Variants in ALDH3A1 observed in about 807,000 individuals in gnomAD.
ALDH3A1 encodes the protein aldehyde dehydrogenase, dimeric NADP-preferring.
In ALDH3A1, 46 loss-of-function variants were observed where a neutral mutation model predicts 49.9. The observed-to-expected ratio is 0.92, with a 90% CI of 0.73 to 1.18. The LOEUF (loss-of-function observed/expected upper bound fraction) is 1.18, where lower values mean the gene tolerates loss of function less well. Ranked by LOEUF, ALDH3A1 falls within the 50% of genes most tolerant of loss-of-function variation. The probability of loss-of-function intolerance (pLI) is 0.00; values close to 1 mark genes in which losing one functional copy is unlikely to be tolerated. For missense variants in ALDH3A1, 592 were observed against 611.8 expected (o/e 0.97, Z 0.34); for synonymous variants, 269 against 253.3 (o/e 1.06, Z -0.59).
intron 1 of ALDH3A1, among the ~76,000 whole-genome samples, chr17:19,746,346 T>A (rs1351322668): frequency 6.6e-6 from 1 of 151,962 alleles, no homozygotes; most frequent in Non-Finnish European, 1.5e-5. Flanking sequence ...TGGGCCGAGA[T>A]TGGGCCATTG....
Position 19,743,295 on chromosome 17 carries a change from T to A in ALDH3A1, c.331A>T (p.Ile111Phe). Residue 111 changes from isoleucine (I) to phenylalanine (F), a missense_variant, in exon 3 of 11, where the codon ATT becomes TTT. Coordinates refer to ENST00000225740, the MANE Select transcript of ALDH3A1 (RefSeq NM_000691.5). This position sits in a 1 kb window ranked among gnomAD's most constrained non-coding sequence, Gnocchi z 4.4. ...TTGAAGGGGTAGTTCCAGGTGCCAA[T>A]GACGAGGACCACGCCCAGTGGCTCC... ...HSEPLGVVLV[I>F]GTWNYPFNLT... The A allele has an allele frequency of 6.2e-7, 1 of 1,614,086 alleles. No individual in the cohort carries two copies.
chr17:19,747,464 C>T (rs189250288), intron 1 of ALDH3A1, among the ~76,000 whole-genome samples: 22 of 152,372 alleles, frequency 1.4e-4, no homozygotes, highest in Admixed American at 1.3e-3. Context: ...CAAACCAAGG[C>T]AGGCAGCCCA....
At chr17:19,747,742 T>G (rs1314071168) in intron 1 of ALDH3A1, among the ~76,000 whole-genome samples, 1 of 152,110 alleles carries the variant, frequency 6.6e-6, no homozygotes, top group African/African-American at 2.4e-5. Flanking sequence ...CCTGTGCCAG[T>G]GTTGACTTTG....
intron 6 of ALDH3A1, among the ~76,000 whole-genome samples, chr17:19,740,699 G>A (rs1464522176): frequency 6.6e-6 from 1 of 151,928 alleles, no homozygotes; most frequent in Non-Finnish European, 1.5e-5. Context: ...TGCCCAGGCT[G>A]GAGTGCAGTG....
At position 19,743,830 on chromosome 17, in the gene ALDH3A1, G is replaced by A. The variant is rs2086549605; in HGVS notation, c.163-367C>T. The A allele has an allele frequency of 2.0e-6, 2 of 977,068 alleles. No individual in the cohort carries two copies. Among genetic ancestry groups the A allele is most frequent in the Non-Finnish European group, 1.2e-6 (1 of 823,032 alleles). The allele number at this position is 977,068 out of a possible 1,614,324, so 60.5% of individuals were successfully genotyped here. Reference sequence around the variant, plus strand: ...GGAGGGGGGGATGGATCCGGGGAGGGGGGATAGATTCGGGCACTGGGAGCT... The same window carrying A: ...GGAGGGGGGGATGGATCCGGGGAGGAGGGATAGATTCGGGCACTGGGAGCT... On this transcript the variant is annotated intron_variant, in intron 2 of 10. Transcript: ENST00000225740. The surrounding 1 kb of genome is among the most constrained non-coding windows in gnomAD (Gnocchi z 4.4).
In ALDH3A1 at chr17:19,744,005, T is replaced by C. The variant is rs1300984852; in HGVS notation, c.163-542A>G. 3 of 985,202 alleles carry C rather than the reference T, an allele frequency of 3.0e-6. No individual in the cohort carries two copies. The Admixed American group carries it at 1.8e-4, about 61-fold the overall frequency. The allele number at this position is 985,202 out of a possible 1,614,324, so 61.0% of individuals were successfully genotyped here. A position where few individuals can be genotyped will look rare whatever the true frequency, so the allele number is the denominator to read the frequency against. ...CGGAAAACGCGTCTCTTTTATAAAC[T>C]TGGGCTGTGAAGAGCAACACAGAAG... On this transcript the variant is annotated intron_variant, in intron 2 of 10. Coordinates refer to ENST00000225740, the MANE Select transcript of ALDH3A1 (RefSeq NM_000691.5).
intron 2 of ALDH3A1, chr17:19,744,199 T>TTCAA: frequency 1.2e-6 from 1 of 853,476 alleles, no homozygotes; most frequent in Non-Finnish European, 1.4e-6. Flanking sequence ...AGGGCAGGAG[T>TTCAA]TCAAGACCAG....
chr17:19,742,665 G>T (rs1163465937), intron 3 of ALDH3A1, 35 bp from the exon 4 acceptor site: 1 of 1,613,496 alleles, frequency 6.2e-7, no homozygotes, highest in Non-Finnish European at 8.5e-7. Context: ...TATGCCCAGG[G>T]TACTTCACCA....
intron 9 of ALDH3A1, 108 bp downstream of exon 9, chr17:19,738,888 G>T: frequency 1.1e-6 from 1 of 938,384 alleles, no homozygotes. Flanking sequence ...AGAGGCTAAT[G>T]GGAGGCTGCC....
At position 19,740,359 on chromosome 17, in the gene ALDH3A1, C is replaced by T. The variant is rs3744692; in HGVS notation, c.926G>A (p.Gly309Glu). Residue 309 changes from glycine to glutamate, a missense_variant, in exon 7 of 11, where the codon GGG (glycine) becomes GAG (glutamate). By Grantham distance (98) the Gly-to-Glu change is moderately conservative. Coordinates refer to ENST00000225740, the MANE Select transcript of ALDH3A1 (RefSeq NM_000691.5). ...ACCTATGTAGCGAGTGGCGGCATCC[C>T]CGGTGCCCCCATAAGCCACCTTCTG... ...EGQKVAYGGTGDAATRYIAPT... is the reference protein window; with the variant it reads ...EGQKVAYGGTEDAATRYIAPT... 2,976 of 1,614,030 alleles carry T rather than the reference C, an allele frequency of 1.8e-3. 68 individuals carry two copies. In the East Asian group the frequency reaches 0.05, roughly 27 times the overall value.
rs777415702 is a variant in ALDH3A1 at position 19,745,023 on chromosome 17, A to T, written c.107T>A (p.Leu36Gln). The change falls in exon 2 of 11, where the codon CTG becomes CAG. Residue 36 changes from leucine to glutamine, a missense_variant. Coordinates refer to ENST00000225740, the MANE Select transcript of ALDH3A1 (RefSeq NM_000691.5). ...CAGCTCCTGCTCCTGCTCCTGGATC[A>T]GGCGCTGCAGCGCCTCCAGCTGCTG... ...RIQQLEALQR[L>Q]IQEQEQELVG... is the part of the protein sequence containing the mutation. The T allele has an allele frequency of 5.0e-6, 8 of 1,594,462 alleles. No individual in the cohort carries two copies. The highest frequency in any genetic ancestry group is 5.9e-6 in the Non-Finnish European group (7 of 1,178,100).
At chr17:19,738,575 C>T in intron 9 of ALDH3A1, 122 bp from the exon 10 acceptor site, 1 of 1,395,636 alleles carries the variant, frequency 7.2e-7, no homozygotes, top group Non-Finnish European at 9.8e-7. Context: ...CCCCAGCCAC[C>T]ATCACCCATC....
At chr17:19,746,225 C>T (rs1012729106) in intron 1 of ALDH3A1, among the ~76,000 whole-genome samples, 9 of 152,154 alleles carry the variant, frequency 5.9e-5, no homozygotes, top group African/African-American at 2.2e-4. Context: ...CCTGTCTCTA[C>T]TAAAAATACA....
chr17:19,741,241 AAAGGTTCCCCAGG>A (rs757931947), intron 5 of ALDH3A1, 31 bp from the exon 6 acceptor site: 15 of 1,597,086 alleles, frequency 9.4e-6, no homozygotes, highest in Non-Finnish European at 1.1e-5. Context: ...ACTAAATCCA[AAAGGTTCCCCAGG>A]AGTTGCATCT....
intron 1 of ALDH3A1, among the ~76,000 whole-genome samples, chr17:19,746,502 GTAATA>G (rs2086595917): frequency 6.6e-6 from 1 of 152,072 alleles, no homozygotes; most frequent in Admixed American, 6.5e-5. Context: ...CCTCGGGTAA[GTAATA>G]TAATTACTTT....
chr17:19,745,221 C>T, intron 1 of ALDH3A1, 87 bp from the exon 2 acceptor site: 2 of 1,380,862 alleles, frequency 1.4e-6, no homozygotes, highest in Non-Finnish European at 9.6e-7. Context: ...GAAGGGACTT[C>T]CCTGGGCTCG....
At chr17:19,744,676 G>A in intron 2 of ALDH3A1, 1 of 1,305,856 alleles carries the variant, frequency 7.7e-7, no homozygotes. Context: ...GCTGAGGAAT[G>A]GGGAGGACCA....
At chr17:19,745,642 T>G (rs2086586159) in intron 1 of ALDH3A1, 1 of 152,658 alleles carries the variant, frequency 6.6e-6, no homozygotes, top group Non-Finnish European at 1.5e-5. Flanking sequence ...TGAACCAGGC[T>G]TGGTGTGTAA....
At position 19,738,403 on chromosome 17, in the gene ALDH3A1, AG is replaced by A; in HGVS notation, c.1266del (p.Ser423LeufsTer8). Reference protein sequence around the residue: ...SYHGKKSFETFSHRRSCLVRP... With the variant: ...SYHGKKSFETXSHRRSCLVRP... ...CTCACCAGGCAAGAGCGGCGGTGAG[AG>A]AAAGTCTCGAAGCTCTTCTTGCCAT... On this transcript the variant is annotated frameshift_variant, in exon 10 of 11. Transcript: ENST00000225740. LOFTEE classifies it high-confidence loss of function. 4.3e-6 allele frequency: 7 copies of A among 1,613,740 alleles called. No individual in the cohort carries two copies. Among genetic ancestry groups the A allele is most frequent in the Non-Finnish European group, 5.9e-6 (7 of 1,179,798 alleles).
Sources: allele counts gnomAD v4.1 joint callset (sites outside exome capture counted in the v4.1 genomes callset), GRCh38; gene constraint gnomAD v4.1.1; non-coding constraint Gnocchi (gnomAD v3.1); transcripts MANE v1.5; gene names NCBI Gene and HGNC (gene_info 2026-07-23, HGNC 2026-07-21).